CSMD1: variants seen among roughly 807,000 people sequenced by gnomAD.
CSMD1 encodes CUB and Sushi multiple domains 1, also known as CUB and sushi domain-containing protein 1.
Under a neutral mutation model 417.5 loss-of-function variants are expected in CSMD1, and 213 were observed. The observed-to-expected ratio is 0.51, with a 90% CI of 0.46 to 0.57. The LOEUF (loss-of-function observed/expected upper bound fraction) is 0.57, where lower values mean the gene tolerates loss of function less well. CSMD1 is among the 20% of genes least tolerant of loss of function. The probability of loss-of-function intolerance (pLI) is 0.00; values close to 1 mark genes in which losing one functional copy is unlikely to be tolerated. For missense variants in CSMD1, 6,923 were observed against 4,529.7 expected (o/e 1.53, Z -15.17); for synonymous variants, 2,862 against 1,736.8 (o/e 1.65, Z -16.11).
At chr8:4,131,745 T>A (rs1044856336) in intron 3 of CSMD1, among the ~76,000 whole-genome samples, 5 of 142,928 alleles carry the variant, frequency 3.5e-5, no homozygotes, top group African/African-American at 1.3e-4. Flanking sequence ...TAAATTAGTA[T>A]ACAAATGTGA....
intron 18 of CSMD1, among the ~76,000 whole-genome samples, chr8:3,387,026 C>G (rs7004261): frequency 0.13 from 20,057 of 152,158 alleles, 1,568 homozygotes; most frequent in African/African-American, 0.21. Flanking sequence ...CTGAAGATCT[C>G]CTGACAGCTT....
chr8:3,385,113 TATATATAATATATAAATATATA>T (rs1810921835), intron 18 of CSMD1, among the ~76,000 whole-genome samples: 1 of 36,470 alleles, frequency 2.7e-5, no homozygotes. Context: ...TAAATAAAAA[TATATATAATATATAAATATATA>T]ATACATAATA....
chr8:4,157,033 T>C (rs1391741620), intron 3 of CSMD1, among the ~76,000 whole-genome samples: 22 of 152,248 alleles, frequency 1.4e-4, no homozygotes, highest in Non-Finnish European at 1.5e-5. Context: ...GAGGGGCATG[T>C]TATGCACACA....
intron 3 of CSMD1, among the ~76,000 whole-genome samples, chr8:4,414,059 C>T (rs1207768926): frequency 6.6e-6 from 1 of 152,148 alleles, no homozygotes; most frequent in South Asian, 2.1e-4. Flanking sequence ...TCTATCCTGC[C>T]AGGTGCATCA....
intron 1 of CSMD1, among the ~76,000 whole-genome samples, chr8:4,677,927 G>T (rs574794610): frequency 6.6e-6 from 1 of 152,050 alleles, no homozygotes; most frequent in East Asian, 1.9e-4. Context: ...TATTGATTCC[G>T]TAGGTATAAA....
intron 5 of CSMD1, among the ~76,000 whole-genome samples, chr8:3,985,108 G>A (rs953195944): frequency 3.3e-5 from 5 of 151,976 alleles, no homozygotes; most frequent in Admixed American, 1.3e-4. Context: ...GACTTGTCAT[G>A]AAGAATTACA....
At chr8:4,972,763 A>G (rs1428708764) in intron 1 of CSMD1, among the ~76,000 whole-genome samples, 1 of 146,320 alleles carries the variant, frequency 6.8e-6, no homozygotes, top group African/African-American at 2.5e-5. Flanking sequence ...TTTTCCAGCT[A>G]TCTAAATGAC....
chr8:3,341,079 G>C (rs1213300613), intron 23 of CSMD1, among the ~76,000 whole-genome samples: 4 of 152,176 alleles, frequency 2.6e-5, no homozygotes, highest in African/African-American at 9.7e-5. Flanking sequence ...AAGTGGAAGT[G>C]ACCTCAAAAC....
rs138212266 is a variant in CSMD1 at position 4,601,319 on chromosome 8, G to C, written c.302+36023C>G. Among the ~76,000 whole-genome samples, 359 of 152,238 alleles carry C rather than the reference G, an allele frequency of 2.4e-3. 3 individuals are homozygous for C. The highest frequency in any genetic ancestry group is 8.2e-3 in the African/African-American group (341 of 41,540). On this transcript the variant is annotated intron_variant, in intron 2 of 69. Coordinates refer to ENST00000635120, the MANE Select transcript of CSMD1 (RefSeq NM_033225.6). ...AGAGTGACAGCGAAGCAAAAGTTTGGAAGTCCCCTTGGAGACAGAGGTGGA... is the reference window on the plus strand; with the variant it reads ...AGAGTGACAGCGAAGCAAAAGTTTGCAAGTCCCCTTGGAGACAGAGGTGGA...
intron 62 of CSMD1, 51 bp downstream of exon 62, chr8:2,961,090 A>T: frequency 7.9e-7 from 1 of 1,263,802 alleles, no homozygotes; most frequent in African/African-American, 1.5e-5. Flanking sequence ...TAAGTAACAA[A>T]TATATTTTAT....
intron 52 of CSMD1, among the ~76,000 whole-genome samples, chr8:3,009,305 A>T (rs920047362): frequency 1.7e-4 from 26 of 152,360 alleles, no homozygotes; most frequent in Admixed American, 1.4e-3. Context: ...TATAAACCAA[A>T]TATTCAACCT....
intron 1 of CSMD1, among the ~76,000 whole-genome samples, chr8:4,928,944 G>T (rs549158001): frequency 2.2e-4 from 34 of 152,178 alleles, no homozygotes; most frequent in Middle Eastern, 6.8e-3. Flanking sequence ...GTTGGTACAT[G>T]CCTGTAATCC....
At chr8:4,726,416 G>A in intron 1 of CSMD1, among the ~76,000 whole-genome samples, 1 of 151,992 alleles carries the variant, frequency 6.6e-6, no homozygotes, top group East Asian at 1.9e-4. Context: ...CTTTAGTGTA[G>A]TTCACAGAAT....
intron 1 of CSMD1, among the ~76,000 whole-genome samples, chr8:4,924,257 T>C (rs1009959600): frequency 2.0e-5 from 3 of 152,224 alleles, no homozygotes; most frequent in Non-Finnish European, 2.9e-5. Context: ...CATGATAAAG[T>C]TGTAAACAGT....
chr8:4,297,412 T>G (rs550169270), intron 3 of CSMD1, among the ~76,000 whole-genome samples: 1 of 152,072 alleles, frequency 6.6e-6, no homozygotes, highest in South Asian at 2.1e-4. Context: ...GACTAAGAAG[T>G]GAATGTTAAA....
intron 5 of CSMD1, among the ~76,000 whole-genome samples, chr8:3,944,592 A>T (rs907351628): frequency 3.3e-5 from 5 of 152,154 alleles, no homozygotes; most frequent in Admixed American, 2.0e-4. Context: ...TTATCATGCA[A>T]ATTCCCAGAT....
At position 4,327,163 on chromosome 8, in the gene CSMD1, G is replaced by A. The variant is rs377306785; in HGVS notation, c.415+92790C>T. On this transcript the variant is annotated intron_variant, in intron 3 of 69. Transcript: ENST00000635120. ...AAGGTCTACTAGACAACAAATGTTA[G>A]ATACATTATTGTATATATAATGCAG... is the stretch of plus-strand genomic sequence containing the variant. Among the ~76,000 whole-genome samples the A allele has an allele frequency of 5.3e-5, 8 of 152,246 alleles. No individual in the cohort carries two copies. In the East Asian group the frequency reaches 1.4e-3, roughly 26 times the overall value.
chr8:4,802,950 C>T (rs1021364399), intron 1 of CSMD1, among the ~76,000 whole-genome samples: 2 of 152,244 alleles, frequency 1.3e-5, no homozygotes, highest in East Asian at 1.9e-4. Context: ...TTAGTGCTGG[C>T]TTCTACAAGA....
At chr8:3,530,093 G>T (rs896254355) in intron 10 of CSMD1, among the ~76,000 whole-genome samples, 1 of 152,032 alleles carries the variant, frequency 6.6e-6, no homozygotes, top group Non-Finnish European at 1.5e-5. Context: ...GACACTAAAG[G>T]TTTCAATTTT....
Sources: allele counts gnomAD v4.1 joint callset (sites outside exome capture counted in the v4.1 genomes callset), GRCh38; gene constraint gnomAD v4.1.1; transcripts MANE v1.5; gene names NCBI Gene and HGNC (gene_info 2026-07-23, HGNC 2026-07-21).